The following RAD51B variants were observed in gnomAD, a reference collection of about 807,000 sequenced individuals.
RAD51B encodes the protein DNA repair protein RAD51 homolog 2.
A neutral mutation model predicts 42.2 loss-of-function variants in RAD51B; 38 were observed. The ratio of observed to expected loss-of-function variants is 0.90; its 90% confidence interval spans 0.70 to 1.18. The LOEUF (loss-of-function observed/expected upper bound fraction) is 1.18. Ranked by LOEUF, RAD51B falls within the 50% of genes most tolerant of loss-of-function variation. The pLI, the probability that RAD51B is intolerant of heterozygous loss-of-function variation, is 0.00. For synonymous variants in RAD51B, 154 were observed against 145.2 expected, an observed-to-expected ratio of 1.06 and a Z score of -0.43; for missense variants, 373 against 400.7, an observed-to-expected ratio of 0.93 and a Z score of 0.59.
At chr14:68,049,214 G>C (rs1039903409) in intron 7 of RAD51B, among the ~76,000 whole-genome samples, 1 of 152,130 alleles carries the variant, frequency 6.6e-6, no homozygotes. Context: ...TTGTGGGGTG[G>C]GGGGAGCGGG....
intron 8 of RAD51B, among the ~76,000 whole-genome samples, chr14:68,328,051 C>A (rs961619683): frequency 7.2e-5 from 11 of 152,064 alleles, no homozygotes; most frequent in Non-Finnish European, 1.5e-4. Context: ...ACCCTCTGTC[C>A]CTTCTTCCCT....
At chr14:68,354,860 AT>A (rs1162693321) in intron 8 of RAD51B, among the ~76,000 whole-genome samples, 3 of 152,186 alleles carry the variant, frequency 2.0e-5, no homozygotes, top group African/African-American at 7.2e-5. Flanking sequence ...TCAGGACAGA[AT>A]TTTGACGTGG....
At chr14:68,379,371 A>G (rs1421331591) in intron 8 of RAD51B, among the ~76,000 whole-genome samples, 1 of 152,160 alleles carries the variant, frequency 6.6e-6, no homozygotes, top group East Asian at 1.9e-4. Flanking sequence ...GAGACTGCCA[A>G]GTGCTTTAAG....
intron 7 of RAD51B, among the ~76,000 whole-genome samples, chr14:68,084,481 G>A (rs574896878): frequency 6.6e-6 from 1 of 152,046 alleles, no homozygotes; most frequent in Non-Finnish European, 1.5e-5. Flanking sequence ...CACTCCCTTG[G>A]GGGACAAAAT....
At chr14:67,849,789 C>T (rs946147776) in intron 4 of RAD51B, among the ~76,000 whole-genome samples, 1 of 151,940 alleles carries the variant, frequency 6.6e-6, no homozygotes, top group African/African-American at 2.4e-5. Flanking sequence ...TTATTAGATT[C>T]TTTGTGTTGA....
At chr14:68,122,281 A>G (rs1595430522) in intron 7 of RAD51B, among the ~76,000 whole-genome samples, 1 of 152,312 alleles carries the variant, frequency 6.6e-6, no homozygotes, top group African/African-American at 2.4e-5. Flanking sequence ...TTGTAAGCAA[A>G]GTCAAATGAC....
chr14:68,163,385 A>G (rs913121975), intron 7 of RAD51B, among the ~76,000 whole-genome samples: 8 of 152,170 alleles, frequency 5.3e-5, no homozygotes, highest in African/African-American at 1.9e-4. Context: ...ATCAATGAAC[A>G]TTCCTCTGAT....
intron 8 of RAD51B, among the ~76,000 whole-genome samples, chr14:68,372,238 A>T (rs2083279949): frequency 6.6e-6 from 1 of 152,200 alleles, no homozygotes; most frequent in Non-Finnish European, 1.5e-5. Flanking sequence ...TGTAGGGGAC[A>T]TAAGCCTGCC....
intron 10 of RAD51B, among the ~76,000 whole-genome samples, chr14:68,592,112 A>G (rs1890770756): frequency 6.6e-6 from 1 of 151,998 alleles, no homozygotes; most frequent in South Asian, 2.1e-4. Context: ...CAGTATTAGG[A>G]GGGGGGGAAT....
Position 68,189,721 on chromosome 14 carries a change from T to C in RAD51B, c.757-102163T>C, listed in dbSNP as rs962274797. ...TCACTCTGTCACCCAGGCTGGAATGTTGTGGCATGATCTCGGCTCACTACA... is the reference window on the plus strand; with the variant it reads ...TCACTCTGTCACCCAGGCTGGAATGCTGTGGCATGATCTCGGCTCACTACA... On this transcript the variant is annotated intron_variant, in intron 7 of 10. Transcript: ENST00000471583. Among the ~76,000 whole-genome samples, 4 of 152,210 alleles carry C rather than the reference T, an allele frequency of 2.6e-5. No homozygotes were observed. The East Asian group carries it at 7.7e-4, about 29-fold the overall frequency.
At chr14:68,440,931 T>A (rs988805024) in intron 9 of RAD51B, among the ~76,000 whole-genome samples, 1 of 152,210 alleles carries the variant, frequency 6.6e-6, no homozygotes, top group Non-Finnish European at 1.5e-5. Context: ...GTCTTGCAAG[T>A]CCACAAATGC....
At chr14:68,252,979 A>G (rs1017096522) in intron 7 of RAD51B, among the ~76,000 whole-genome samples, 2 of 152,076 alleles carry the variant, frequency 1.3e-5, no homozygotes, top group African/African-American at 4.8e-5. Context: ...GCTGCTCAGG[A>G]GGCTAAGGCA....
intron 8 of RAD51B, among the ~76,000 whole-genome samples, chr14:68,315,289 A>G (rs1030970844): frequency 3.3e-5 from 5 of 152,246 alleles, no homozygotes; most frequent in African/African-American, 7.2e-5. Context: ...TCTAAGAACT[A>G]TAGTTTTCTT....
intron 10 of RAD51B, among the ~76,000 whole-genome samples, chr14:68,469,521 T>A (rs1452190405): frequency 2.6e-5 from 4 of 152,200 alleles, no homozygotes; most frequent in African/African-American, 4.8e-5. Flanking sequence ...CCTTGGTAAA[T>A]ATTTTTTTTT....
At chr14:68,369,919 C>T (rs548301721) in intron 8 of RAD51B, among the ~76,000 whole-genome samples, 5 of 152,292 alleles carry the variant, frequency 3.3e-5, no homozygotes, top group African/African-American at 1.2e-4. Flanking sequence ...GATTCTCTCA[C>T]AGGATATGGA....
intron 10 of RAD51B, among the ~76,000 whole-genome samples, chr14:68,554,560 C>T (rs1354316941): frequency 2.6e-5 from 4 of 152,310 alleles, no homozygotes; most frequent in Non-Finnish European, 4.4e-5. Flanking sequence ...GGCTCCTCTA[C>T]CTTAATGGCA....
At chr14:68,549,409 A>ATTTTTTTTTTTTTTTTTTT (rs71129897) in intron 10 of RAD51B, among the ~76,000 whole-genome samples, 4 of 63,574 alleles carry the variant, frequency 6.3e-5, no homozygotes, top group South Asian at 7.4e-4. Flanking sequence ...CCCTGGACAC[A>ATTTTTTTTTTTTTTTTTTT]TTTTTTTTTT....
intron 4 of RAD51B, among the ~76,000 whole-genome samples, chr14:67,842,401 T>C (rs1422442796): frequency 2.0e-5 from 3 of 152,216 alleles, no homozygotes; most frequent in Non-Finnish European, 4.4e-5. Flanking sequence ...CTTTTTGAGA[T>C]GGAGTCTCAC....
intron 7 of RAD51B, among the ~76,000 whole-genome samples, chr14:67,900,067 A>T (rs2140089499): frequency 6.6e-6 from 1 of 152,284 alleles, no homozygotes; most frequent in South Asian, 2.1e-4. Flanking sequence ...GAAAGTCTCT[A>T]ATTTTGCTTT....
Sources: allele counts gnomAD v4.1 joint callset (sites outside exome capture counted in the v4.1 genomes callset), GRCh38; gene constraint gnomAD v4.1.1; transcripts MANE v1.5; gene names NCBI Gene and HGNC (gene_info 2026-07-23, HGNC 2026-07-21).